The following BICD1 variants were observed in gnomAD, a reference collection of about 807,000 sequenced individuals.
BICD1 encodes the protein protein bicaudal D homolog 1.
Under a neutral mutation model 92.5 loss-of-function variants are expected in BICD1, and 35 were observed. That is an observed-to-expected ratio of 0.38 (90% CI 0.29 to 0.50). The LOEUF (loss-of-function observed/expected upper bound fraction) is 0.50. BICD1 is among the 20% of genes least tolerant of loss of function. The pLI, the probability that BICD1 is intolerant of heterozygous loss-of-function variation, is 0.93. For missense variants in BICD1, 950 were observed against 1,189.8 expected (o/e 0.80, Z 2.97); for synonymous variants, 429 against 465.1 (o/e 0.92, Z 1.00).
Position 32,337,849 on chromosome 12 carries a change from A to C in BICD1, c.2570+33A>C. 1.3e-6 allele frequency: 2 copies of C among 1,597,184 alleles called. No individual in the cohort carries two copies. The highest frequency in any genetic ancestry group is 1.7e-6 in the Non-Finnish European group (2 of 1,165,624). ...TGCAGCGATCTTCATAGTACGGTGC[A>C]GTGGCCAGATTTTAGTTAACTGCAA... On this transcript the variant is annotated intron_variant, in intron 7 of 9. Transcript: ENST00000652176. This position sits in a 1 kb window ranked among gnomAD's most constrained non-coding sequence, Gnocchi z 4.7.
intron 5 of BICD1, chr12:32,332,320 A>G (rs770538994): frequency 6.9e-5 from 26 of 377,080 alleles, no homozygotes; most frequent in Non-Finnish European, 8.8e-5. Context: ...ACAAACCCCC[A>G]TGACACACAT....
chr12:32,111,697 TCC>T (rs1941699631), intron 1 of BICD1, among the ~76,000 whole-genome samples: 3 of 151,334 alleles, frequency 2.0e-5, no homozygotes, highest in Admixed American at 2.0e-4. Flanking sequence ...AAGCTCCACC[TCC>T]CGGGTTCACG....
At chr12:32,358,290 G>A (rs554953642) in intron 8 of BICD1, among the ~76,000 whole-genome samples, 3 of 151,832 alleles carry the variant, frequency 2.0e-5, no homozygotes, top group East Asian at 2.0e-4. Flanking sequence ...TAGTAGAGAT[G>A]AGTTTTCACC....
chr12:32,115,486 G>A (rs1224498852), intron 1 of BICD1, among the ~76,000 whole-genome samples: 1 of 151,686 alleles, frequency 6.6e-6, no homozygotes, highest in East Asian at 1.9e-4. Flanking sequence ...CAAAAGGCAG[G>A]TATTTACGAG....
chr12:32,279,896 C>T (rs186210889), intron 2 of BICD1, among the ~76,000 whole-genome samples: 81 of 152,224 alleles, frequency 5.3e-4, no homozygotes, highest in East Asian at 4.3e-3. Flanking sequence ...GTCGGGAGTT[C>T]GAGACCAGCC....
Position 32,380,910 on chromosome 12 carries a change from A to C in BICD1, c.*3283A>C, listed in dbSNP as rs1480927300. The C allele has an allele frequency of 6.6e-6, 1 of 152,160 alleles. No individual in the cohort carries two copies. The highest frequency in any genetic ancestry group is 1.5e-5 in the Non-Finnish European group (1 of 68,002). 9.4% of individuals were successfully genotyped at this position (152,160 alleles called of 1,614,324 possible). On this transcript the variant is annotated 3_prime_UTR_variant, in exon 10 of 10. Coordinates refer to ENST00000652176, the MANE Select transcript of BICD1 (RefSeq NM_001714.4). ...AAAAAGGCTTCAGTGTGAAGGATGTATAGTAACTCTAGGAAAGAGATTTTT... is the reference window on the plus strand; with the variant it reads ...AAAAAGGCTTCAGTGTGAAGGATGTCTAGTAACTCTAGGAAAGAGATTTTT...
At chr12:32,209,994 G>A (rs779278503) in intron 1 of BICD1, among the ~76,000 whole-genome samples, 3 of 152,178 alleles carry the variant, frequency 2.0e-5, no homozygotes, top group Non-Finnish European at 4.4e-5. Flanking sequence ...ACACAGATAC[G>A]TCATCGCAGA....
At chr12:32,166,075 C>T (rs1943755357) in intron 1 of BICD1, among the ~76,000 whole-genome samples, 1 of 151,978 alleles carries the variant, frequency 6.6e-6, no homozygotes, top group South Asian at 2.1e-4. Context: ...TTTACTCCTT[C>T]TCCCTGGGAC....
intron 2 of BICD1, among the ~76,000 whole-genome samples, chr12:32,272,806 T>G (rs1947177415): frequency 6.6e-6 from 1 of 152,190 alleles, no homozygotes; most frequent in Non-Finnish European, 1.5e-5. Flanking sequence ...GGCCTTGTAA[T>G]TGATTGAAAA....
chr12:32,209,817 A>T (rs1945161875), intron 1 of BICD1, among the ~76,000 whole-genome samples: 1 of 152,140 alleles, frequency 6.6e-6, no homozygotes, highest in Non-Finnish European at 1.5e-5. Context: ...TGAGGTTCCC[A>T]CCGAACGCAT....
chr12:32,266,861 A>AAT (rs1187557725), intron 2 of BICD1, among the ~76,000 whole-genome samples: 2 of 151,802 alleles, frequency 1.3e-5, no homozygotes, highest in African/African-American at 4.8e-5. Context: ...CTGTCTCAAA[A>AAT]AAAAAAAAAA....
chr12:32,287,119 G>T (rs1378431924), intron 2 of BICD1, among the ~76,000 whole-genome samples: 2 of 152,092 alleles, frequency 1.3e-5, no homozygotes, highest in East Asian at 3.9e-4. Flanking sequence ...CTGAGTTTCT[G>T]GGAGTCTGTG....
chr12:32,125,921 C>T (rs1942314636), intron 1 of BICD1, among the ~76,000 whole-genome samples: 1 of 151,396 alleles, frequency 6.6e-6, no homozygotes, highest in Non-Finnish European at 1.5e-5. Flanking sequence ...TGGTGGCACA[C>T]ACTTGTAGTC....
chr12:32,195,541 C>T (rs937257628), intron 1 of BICD1, among the ~76,000 whole-genome samples: 2 of 152,172 alleles, frequency 1.3e-5, no homozygotes, highest in African/African-American at 4.8e-5. Context: ...AAGATCATCT[C>T]TTCAATAAAT....
At chr12:32,117,703 A>G (rs28579401) in intron 1 of BICD1, among the ~76,000 whole-genome samples, 1 of 129,602 alleles carries the variant, frequency 7.7e-6, no homozygotes, top group South Asian at 2.5e-4. Flanking sequence ...TATATACACA[A>G]ATATATATAC....
At chr12:32,175,892 T>C (rs1944076680) in intron 1 of BICD1, among the ~76,000 whole-genome samples, 1 of 152,208 alleles carries the variant, frequency 6.6e-6, no homozygotes. Context: ...TGTTCGCACC[T>C]TTACCCCTAT....
intron 2 of BICD1, among the ~76,000 whole-genome samples, chr12:32,286,348 C>A (rs943161315): frequency 1.3e-4 from 19 of 151,746 alleles, no homozygotes; most frequent in African/African-American, 4.4e-4. Flanking sequence ...TTCCTGATAT[C>A]TTTTTTATAC....
chr12:32,233,236 C>T (rs1471935550), intron 2 of BICD1, among the ~76,000 whole-genome samples: 1 of 150,094 alleles, frequency 6.7e-6, no homozygotes, highest in Non-Finnish European at 1.5e-5. Flanking sequence ...ACAAGAGAAT[C>T]GCTTGAACCC....
chr12:32,304,934 A>G (rs1293302154), intron 3 of BICD1, among the ~76,000 whole-genome samples: 1 of 152,176 alleles, frequency 6.6e-6, no homozygotes, highest in Non-Finnish European at 1.5e-5. Context: ...AAATGGGAAG[A>G]TCACTTGAGC....
Sources: allele counts gnomAD v4.1 joint callset (sites outside exome capture counted in the v4.1 genomes callset), GRCh38; gene constraint gnomAD v4.1.1; non-coding constraint Gnocchi (gnomAD v3.1); transcripts MANE v1.5; gene names NCBI Gene and HGNC (gene_info 2026-07-23, HGNC 2026-07-21).